The following IFT43 variants were observed in gnomAD, a reference collection of about 807,000 sequenced individuals.
IFT43 encodes the protein intraflagellar transport 43.
A neutral mutation model predicts 32.3 loss-of-function variants in IFT43; 33 were observed. The ratio of observed to expected loss-of-function variants is 1.02; its 90% CI spans 0.77 to 1.37. IFT43 has a LOEUF of 1.37. Ranked by LOEUF, IFT43 falls within the 40% of genes most tolerant of loss-of-function variation. The pLI is 0.00. For synonymous variants in IFT43, 93 were observed against 98.2 expected, an observed-to-expected ratio of 0.95 and a Z score of 0.31; for missense variants, 274 against 265.9, an observed-to-expected ratio of 1.03 and a Z score of -0.21.
At chr14:76,015,478 A>G (rs1018956800) in intron 2 of IFT43, among the ~76,000 whole-genome samples, 2 of 152,158 alleles carry the variant, frequency 1.3e-5, no homozygotes, top group African/African-American at 4.8e-5. Flanking sequence ...AATGATCTCA[A>G]TGTTGGGGTG....
intron 2 of IFT43, among the ~76,000 whole-genome samples, chr14:76,000,333 C>T (rs1489007463): frequency 6.8e-6 from 1 of 146,828 alleles, no homozygotes; most frequent in East Asian, 2.0e-4. Flanking sequence ...GGCACAATCT[C>T]GGCTCACCAC....
chr14:75,990,685 T>C (rs1028590406), intron 2 of IFT43, among the ~76,000 whole-genome samples: 4 of 152,120 alleles, frequency 2.6e-5, no homozygotes, highest in African/African-American at 7.2e-5. Context: ...AGAGGTGATA[T>C]AAAGTAGGAA....
At chr14:76,052,831 C>T (rs2036940581) in intron 3 of IFT43, among the ~76,000 whole-genome samples, 1 of 152,192 alleles carries the variant, frequency 6.6e-6, no homozygotes, top group African/African-American at 2.4e-5. Flanking sequence ...ATTAAGCCAA[C>T]ATTAACTACC....
intron 4 of IFT43, chr14:76,059,032 C>G: frequency 1.4e-6 from 2 of 1,420,450 alleles, no homozygotes; most frequent in Non-Finnish European, 1.8e-6. Context: ...AAGAAGTTTT[C>G]TAGATAAAGG....
At chr14:76,049,067 G>A (rs2140027934) in intron 3 of IFT43, among the ~76,000 whole-genome samples, 1 of 152,322 alleles carries the variant, frequency 6.6e-6, no homozygotes, top group South Asian at 2.1e-4. Context: ...AGAAACTTCT[G>A]TACAGGAAAA....
chr14:76,008,672 A>T (rs2036023696), intron 2 of IFT43, among the ~76,000 whole-genome samples: 1 of 152,100 alleles, frequency 6.6e-6, no homozygotes, highest in Admixed American at 6.5e-5. Flanking sequence ...TGGCAAAATC[A>T]CATGTCCTCC....
intron 2 of IFT43, among the ~76,000 whole-genome samples, chr14:76,007,061 G>C (rs2035993591): frequency 6.6e-6 from 1 of 152,014 alleles, no homozygotes; most frequent in Non-Finnish European, 1.5e-5. Context: ...GTCTCACTTT[G>C]TTGCCCAGGC....
intron 3 of IFT43, among the ~76,000 whole-genome samples, chr14:76,052,150 C>T (rs2036925822): frequency 6.6e-6 from 1 of 152,116 alleles, no homozygotes; most frequent in Admixed American, 6.5e-5. Context: ...CCCCATTTAT[C>T]TCGGTTATGT....
intron 2 of IFT43, among the ~76,000 whole-genome samples, chr14:76,017,459 T>C (rs2036210210): frequency 6.6e-6 from 1 of 152,160 alleles, no homozygotes; most frequent in Non-Finnish European, 1.5e-5. Context: ...GCTCGTATTT[T>C]GTTGGGGATT....
chr14:76,050,045 A>G lies in IFT43; in HGVS notation c.216-8597A>G, dbSNP rs2036884325. Among the ~76,000 whole-genome samples, 3 of 152,026 alleles carry G rather than the reference A, an allele frequency of 2.0e-5. No homozygotes were observed. The South Asian group carries it at 6.2e-4, about 32-fold the overall frequency. On this transcript the variant is annotated intron_variant, in intron 3 of 8. Coordinates refer to ENST00000314067, the MANE Select transcript of IFT43 (RefSeq NM_001102564.3). ...CCATGTCCCCTTCTGTTTTCCGAAC[A>G]CCTCAGCCCCTGCATGCCTCTGACC...
At chr14:76,063,291 G>C (rs2037175315) in intron 5 of IFT43, among the ~76,000 whole-genome samples, 1 of 152,220 alleles carries the variant, frequency 6.6e-6, no homozygotes, top group Non-Finnish European at 1.5e-5. Context: ...TCTAAGTCAA[G>C]GAGGTTGTGC....
At chr14:76,063,936 T>C (rs2037186124) in intron 5 of IFT43, among the ~76,000 whole-genome samples, 1 of 152,170 alleles carries the variant, frequency 6.6e-6, no homozygotes, top group South Asian at 2.1e-4. Flanking sequence ...CCCAGATGAA[T>C]ATTTGACAAC....
chr14:76,027,505 C>T (rs188983602), intron 3 of IFT43, among the ~76,000 whole-genome samples: 11 of 152,120 alleles, frequency 7.2e-5, no homozygotes, highest in African/African-American at 2.4e-4. Flanking sequence ...GTCAGGAGAT[C>T]GAGACCATCC....
intron 1 of IFT43, chr14:75,986,297 C>G: frequency 2.4e-6 from 3 of 1,255,188 alleles, no homozygotes; most frequent in Non-Finnish European, 2.1e-6. Flanking sequence ...GCAGGGACGG[C>G]CTTTCTTCCC....
intron 2 of IFT43, among the ~76,000 whole-genome samples, chr14:76,020,024 G>T (rs1246243340): frequency 1.3e-5 from 2 of 152,012 alleles, no homozygotes; most frequent in Non-Finnish European, 2.9e-5. Context: ...TGCCAGGCTG[G>T]AGTATAGTGG....
intron 3 of IFT43, chr14:76,037,960 G>A (rs2036633409): frequency 6.6e-6 from 1 of 152,164 alleles, no homozygotes; most frequent in Non-Finnish European, 1.5e-5. Context: ...AAAGTAAAAG[G>A]ACTTAATCCT....
intron 3 of IFT43, among the ~76,000 whole-genome samples, chr14:76,046,449 T>C (rs1594842813): frequency 6.6e-6 from 1 of 151,694 alleles, no homozygotes. Flanking sequence ...AAGTGGTGGG[T>C]CCCCAGAAGC....
In IFT43 at chr14:75,988,868, T is replaced by C. The variant is rs200685248; in HGVS notation, c.55-17T>C. ...AATGACATTTGGGTCAGCAGTGCCT[T>C]CTGTTTCTCCTTACAGAGGGCCAAG... On this transcript the variant is annotated splice_polypyrimidine_tract_variant and intron_variant, in intron 1 of 8. Transcript: ENST00000314067. The C allele has an allele frequency of 2.2e-3, 3,572 of 1,613,758 alleles. 91 individuals carry two copies. In the South Asian group the frequency reaches 0.036, roughly 16 times the overall value.
intron 3 of IFT43, among the ~76,000 whole-genome samples, chr14:76,056,017 A>G (rs375404515): frequency 4.9e-4 from 74 of 152,250 alleles, no homozygotes; most frequent in African/African-American, 1.7e-3. Context: ...CTAAAAAGTT[A>G]AGAGTCCAGA....
Sources: allele counts gnomAD v4.1 joint callset (sites outside exome capture counted in the v4.1 genomes callset), GRCh38; gene constraint gnomAD v4.1.1; transcripts MANE v1.5; gene names NCBI Gene and HGNC (gene_info 2026-07-23, HGNC 2026-07-21).